Variants in CDC42BPA observed in about 807,000 individuals in gnomAD.
CDC42BPA encodes the protein CDC42 binding protein kinase alpha.
CDC42BPA carries 80 observed loss-of-function variants against 223.5 expected under a neutral mutation model. The ratio of observed to expected loss-of-function variants is 0.36; its 90% CI spans 0.30 to 0.43. The LOEUF (loss-of-function observed/expected upper bound fraction) is 0.43. Among genes scored for constraint, CDC42BPA ranks in the 20% least tolerant of loss-of-function variants. The pLI, the probability that CDC42BPA is intolerant of heterozygous loss-of-function variation, is 1.00. For missense variants in CDC42BPA, 1,743 were observed against 2,099.9 expected (o/e 0.83, Z 3.32); for synonymous variants, 694 against 718.6 (o/e 0.97, Z 0.55).
intron 10 of CDC42BPA, among the ~76,000 whole-genome samples, chr1:227,130,963 C>T (rs1448980062): frequency 6.6e-6 from 1 of 152,188 alleles, no homozygotes; most frequent in Non-Finnish European, 1.5e-5. Context: ...GGCAGGCATC[C>T]TCGCTCATTA....
At chr1:227,039,862 T>C (rs1402639892) in intron 24 of CDC42BPA, among the ~76,000 whole-genome samples, 2 of 49,618 alleles carry the variant, frequency 4.0e-5, no homozygotes, top group African/African-American at 1.5e-4. Context: ...TTCAATGAAT[T>C]TTCTTCTGTC....
intron 8 of CDC42BPA, 150 bp downstream of exon 8, chr1:227,145,339 G>T: frequency 1.8e-6 from 1 of 556,280 alleles, no homozygotes; most frequent in East Asian, 3.0e-5. Context: ...TTTGATTTGT[G>T]ACAGAATAAG....
chr1:226,999,917 G>A (rs1662423732), intron 35 of CDC42BPA, among the ~76,000 whole-genome samples: 1 of 149,670 alleles, frequency 6.7e-6, no homozygotes, highest in South Asian at 2.2e-4. Flanking sequence ...CCCAGACACA[G>A]GGAGGGGAAT....
At chr1:227,070,083 T>C (rs917442926) in intron 20 of CDC42BPA, among the ~76,000 whole-genome samples, 55 of 151,946 alleles carry the variant, frequency 3.6e-4, no homozygotes, top group African/African-American at 1.3e-3. Flanking sequence ...TTTATGTTAC[T>C]GAGTTTCTTT....
At chr1:227,088,460 G>T (rs992244477) in intron 16 of CDC42BPA, among the ~76,000 whole-genome samples, 5 of 152,062 alleles carry the variant, frequency 3.3e-5, no homozygotes, top group African/African-American at 1.2e-4. Context: ...ATACATGATT[G>T]CAATTATGTA....
intron 5 of CDC42BPA, among the ~76,000 whole-genome samples, chr1:227,178,070 T>C (rs904705086): frequency 3.9e-5 from 6 of 152,188 alleles, no homozygotes; most frequent in Non-Finnish European, 8.8e-5. Flanking sequence ...TTTTCTTGAG[T>C]TCATGGAACA....
intron 17 of CDC42BPA, among the ~76,000 whole-genome samples, chr1:227,075,194 A>C (rs1421436967): frequency 5.9e-5 from 9 of 152,226 alleles, no homozygotes; most frequent in African/African-American, 2.2e-4. Flanking sequence ...TGCAATGCTC[A>C]CAAGTGTATT....
intron 2 of CDC42BPA, among the ~76,000 whole-genome samples, chr1:227,245,825 G>A (rs1310964457): frequency 1.3e-5 from 2 of 152,066 alleles, no homozygotes; most frequent in African/African-American, 4.8e-5. Flanking sequence ...GCAATACCCA[G>A]GGAGTATGCT....
intron 5 of CDC42BPA, among the ~76,000 whole-genome samples, chr1:227,173,668 C>T (rs559881373): frequency 3.9e-5 from 6 of 152,064 alleles, no homozygotes; most frequent in Non-Finnish European, 8.8e-5. Flanking sequence ...GCTGGGCTGT[C>T]CTAATTCCAC....
chr1:227,085,518 G>A (rs968952350), intron 16 of CDC42BPA, among the ~76,000 whole-genome samples: 9 of 152,232 alleles, frequency 5.9e-5, no homozygotes, highest in Admixed American at 6.5e-5. Context: ...TTTTATTGGT[G>A]TGCATTTTGA....
chr1:227,208,193 A>G (rs1410824403), intron 3 of CDC42BPA, among the ~76,000 whole-genome samples: 2 of 150,310 alleles, frequency 1.3e-5, no homozygotes, highest in African/African-American at 2.4e-5. Flanking sequence ...CATGTCCTTC[A>G]CCCACTTTTT....
Position 227,199,578 on chromosome 1 carries a change from A to G in CDC42BPA, c.429T>C (p.Ala143=). 1 of 1,586,790 alleles carries G rather than the reference A, an allele frequency of 6.3e-7. No individual in the cohort carries two copies. The highest frequency in any genetic ancestry group is 1.1e-5 in the South Asian group (1 of 89,548). The change falls in exon 4 of 37, where the codon GCT becomes GCC. Residue 143 remains alanine (A), a synonymous_variant. Coordinates refer to ENST00000366766, the MANE Select transcript of CDC42BPA (RefSeq NM_001394014.1). The part of the protein sequence containing the change: ...DNKWITTLHY[A]FQDDNNLYLV... ...TTACTAAGTTATTGTCATCCTGGAAAGCATAGTGCAAGGTTGTAATCCATT... is the reference window on the plus strand; with the variant it reads ...TTACTAAGTTATTGTCATCCTGGAAGGCATAGTGCAAGGTTGTAATCCATT...
At chr1:227,054,028 ACTG>A (rs1390597800) in intron 21 of CDC42BPA, among the ~76,000 whole-genome samples, 1 of 152,220 alleles carries the variant, frequency 6.6e-6, no homozygotes. Flanking sequence ...CTTAAAACTG[ACTG>A]AAATGTCATC....
chr1:227,161,037 C>T (rs1343758688), intron 5 of CDC42BPA, among the ~76,000 whole-genome samples: 1 of 152,136 alleles, frequency 6.6e-6, no homozygotes. Flanking sequence ...CTTTCTAGAC[C>T]TTAAGATAAC....
chr1:227,078,246 A>G (rs1572663680), intron 17 of CDC42BPA, among the ~76,000 whole-genome samples: 1 of 152,176 alleles, frequency 6.6e-6, no homozygotes, highest in South Asian at 2.1e-4. Context: ...CTAGTCTGAG[A>G]TAATTTTCTC....
At position 227,213,211 on chromosome 1, in the gene CDC42BPA, T is replaced by C. The variant is rs1443974829; in HGVS notation, c.279A>G (p.Val93=). ...CTTTATCTGCATTTTTTAGTTTTAC[T>C]ACAGCAACCTAGAAAAGATAAAGGA... ...IGRGAFGEVA[V]VKLKNADKVF... is the part of the protein sequence containing the mutation. Residue 93 remains valine, a synonymous_variant, in exon 3 of 37, where the codon GTA becomes GTG. Transcript: ENST00000366766. 1.0e-5 allele frequency: 15 copies of C among 1,453,240 alleles called. No homozygotes were observed. In the African/African-American group the frequency reaches 2.0e-4, roughly 19 times the overall value. The allele number at this position is 1,453,240 out of a possible 1,614,324, so 90.0% of individuals were successfully genotyped here.
intron 1 of CDC42BPA, among the ~76,000 whole-genome samples, chr1:227,270,484 T>C (rs571191823): frequency 1.3e-5 from 2 of 152,308 alleles, no homozygotes; most frequent in African/African-American, 4.8e-5. Flanking sequence ...CTACATGAAC[T>C]CATACTAGTT....
chr1:227,316,055 T>C (rs774594768), intron 1 of CDC42BPA, among the ~76,000 whole-genome samples: 1 of 151,196 alleles, frequency 6.6e-6, no homozygotes, highest in Non-Finnish European at 1.5e-5. Context: ...GAACTTAGCA[T>C]AAGAACAAAC....
At chr1:227,276,977 C>T (rs1317463104) in intron 1 of CDC42BPA, among the ~76,000 whole-genome samples, 2 of 151,660 alleles carry the variant, frequency 1.3e-5, no homozygotes, top group African/African-American at 4.8e-5. Context: ...AACCAGAGAC[C>T]CTTGTTCACA....
Sources: allele counts gnomAD v4.1 joint callset (sites outside exome capture counted in the v4.1 genomes callset), GRCh38; gene constraint gnomAD v4.1.1; transcripts MANE v1.5; gene names NCBI Gene and HGNC (gene_info 2026-07-23, HGNC 2026-07-21).